TXNDC11: variants seen among roughly 807,000 people sequenced by gnomAD.
TXNDC11 encodes the protein thioredoxin domain-containing protein 11.
A neutral mutation model predicts 78.0 loss-of-function variants in TXNDC11; 68 were observed. The observed-to-expected ratio is 0.87, with a 90% CI of 0.72 to 1.07. TXNDC11 has a LOEUF of 1.07. TXNDC11 is among the 50% of genes least tolerant of loss of function. TXNDC11 has a pLI of 0.00. For missense variants in TXNDC11, 1,389 were observed against 1,221.8 expected, an observed-to-expected ratio of 1.14 and a Z score of -2.04; for synonymous variants, 571 against 495.2, an observed-to-expected ratio of 1.15 and a Z score of -2.03.
intron 8 of TXNDC11, among the ~76,000 whole-genome samples, chr16:11,689,642 A>C (rs1186967427): frequency 1.3e-5 from 2 of 152,220 alleles, no homozygotes; most frequent in Non-Finnish European, 2.9e-5. Flanking sequence ...GGCTTCTTTC[A>C]ATTACCCTTA....
At chr16:11,691,187 A>C in intron 8 of TXNDC11, 103 bp downstream of exon 8, 2 of 960,432 alleles carry the variant, frequency 2.1e-6, no homozygotes, top group South Asian at 3.2e-5. Context: ...TACGAAGGTG[A>C]CATCACCCCA....
intron 1 of TXNDC11, among the ~76,000 whole-genome samples, chr16:11,741,102 G>A (rs1387594937): frequency 6.6e-6 from 1 of 152,180 alleles, no homozygotes; most frequent in African/African-American, 2.4e-5. Flanking sequence ...ACAGTGCCAA[G>A]ACGGAGAAAC....
intron 3 of TXNDC11, among the ~76,000 whole-genome samples, chr16:11,733,688 C>A (rs1166013155): frequency 2.0e-5 from 3 of 152,312 alleles, no homozygotes; most frequent in African/African-American, 7.2e-5. Context: ...ATCTGAAATG[C>A]ATTGGAGTAA....
intron 5 of TXNDC11, among the ~76,000 whole-genome samples, chr16:11,709,293 C>G (rs1193796584): frequency 4.0e-5 from 6 of 151,200 alleles, no homozygotes. Flanking sequence ...GCACTGTCGC[C>G]CAGGCCTGGA....
At chr16:11,738,945 T>TA (rs923892370) in intron 1 of TXNDC11, among the ~76,000 whole-genome samples, 15 of 152,112 alleles carry the variant, frequency 9.9e-5, no homozygotes, top group African/African-American at 3.6e-4. Context: ...GAGAATCGCT[T>TA]GAACACGGGA....
At chr16:11,708,846 T>C (rs1257903522) in intron 5 of TXNDC11, among the ~76,000 whole-genome samples, 1 of 152,228 alleles carries the variant, frequency 6.6e-6, no homozygotes, top group Non-Finnish European at 1.5e-5. Flanking sequence ...TAATTTTAAC[T>C]TCTACTTTCC....
At chr16:11,703,324 T>A (rs991884701) in intron 5 of TXNDC11, among the ~76,000 whole-genome samples, 1 of 152,192 alleles carries the variant, frequency 6.6e-6, no homozygotes, top group Non-Finnish European at 1.5e-5. Flanking sequence ...CTTAAAGAGG[T>A]ATAAGTTAGC....
intron 5 of TXNDC11, among the ~76,000 whole-genome samples, chr16:11,720,768 C>G (rs1011834161): frequency 2.0e-5 from 3 of 151,484 alleles, no homozygotes; most frequent in Non-Finnish European, 2.9e-5. Context: ...GGATCTCACT[C>G]TGTCCCCCAG....
Position 11,688,362 on chromosome 16 carries a change from G to A in TXNDC11, c.1984C>T (p.Gln662Ter). 3.1e-6 allele frequency: 5 copies of A among 1,614,182 alleles called. No homozygotes were observed. The highest frequency in any genetic ancestry group is 3.4e-6 in the Non-Finnish European group (4 of 1,180,024). Residue 662 changes from glutamine (Q) to a stop codon, truncating the protein, a stop_gained, in exon 9 of 12, where the codon CAG becomes TAG. Coordinates refer to ENST00000283033, the MANE Select transcript of TXNDC11 (RefSeq NM_015914.7). LOFTEE classifies it high-confidence loss of function. ...IGSGSAQFPSQHLITEVTTDT... is the reference protein window; with the variant it reads ...IGSGSAQFPS ...GTTGTCACTTCAGTGATTAAATGCTGAGACGGGAACTGGGCAGAGCCACTT... is the reference window on the plus strand; with the variant it reads ...GTTGTCACTTCAGTGATTAAATGCTAAGACGGGAACTGGGCAGAGCCACTT...
At chr16:11,699,467 A>G (rs1475691707) in intron 6 of TXNDC11, among the ~76,000 whole-genome samples, 5 of 152,272 alleles carry the variant, frequency 3.3e-5, no homozygotes, top group Admixed American at 2.6e-4. Context: ...AAACAACCAC[A>G]GCAGTGATTG....
chr16:11,709,465 C>A (rs1246342588), intron 5 of TXNDC11, among the ~76,000 whole-genome samples: 3 of 119,988 alleles, frequency 2.5e-5, no homozygotes, highest in South Asian at 5.4e-4. Context: ...GACGGAGTCT[C>A]GCTCTGTTGC....
intron 4 of TXNDC11, among the ~76,000 whole-genome samples, chr16:11,729,265 A>G (rs2051974255): frequency 6.6e-6 from 1 of 152,204 alleles, no homozygotes; most frequent in Non-Finnish European, 1.5e-5. Context: ...ATCAGGCCCC[A>G]GTACCCTGCC....
At chr16:11,703,739 T>C (rs1476241854) in intron 5 of TXNDC11, 6 of 701,074 alleles carry the variant, frequency 8.6e-6, no homozygotes, top group Non-Finnish European at 1.3e-5. Context: ...GGAGAAGAGG[T>C]TGATTCCAGA....
intron 7 of TXNDC11, chr16:11,692,310 G>C: frequency 2.1e-6 from 1 of 471,180 alleles, no homozygotes; most frequent in South Asian, 3.9e-5. Context: ...CCATCCCTTT[G>C]TCCAGCGTGT....
chr16:11,701,223 G>A (rs771676995), intron 5 of TXNDC11, among the ~76,000 whole-genome samples: 39 of 134,512 alleles, frequency 2.9e-4, no homozygotes, highest in South Asian at 7.3e-4. Flanking sequence ...TACAACCTCC[G>A]TCTCATGGGC....
At chr16:11,715,659 G>C (rs892150070) in intron 5 of TXNDC11, among the ~76,000 whole-genome samples, 1 of 152,098 alleles carries the variant, frequency 6.6e-6, no homozygotes, top group Non-Finnish European at 1.5e-5. Context: ...GGAGCTGTAG[G>C]AGCAACAAAA....
At chr16:11,703,507 G>C (rs1246918460) in intron 5 of TXNDC11, among the ~76,000 whole-genome samples, 2 of 107,684 alleles carry the variant, frequency 1.9e-5, no homozygotes, top group African/African-American at 4.4e-5. Context: ...TAAGGCTTTT[G>C]ATACACACAC....
At chr16:11,729,396 A>C (rs2051978332) in intron 4 of TXNDC11, among the ~76,000 whole-genome samples, 1 of 152,246 alleles carries the variant, frequency 6.6e-6, no homozygotes, top group African/African-American at 2.4e-5. Context: ...TGCATAGCTA[A>C]GAACTAAAAG....
At chr16:11,692,176 C>A in intron 7 of TXNDC11, 94 bp from the exon 8 acceptor site, 2 of 965,630 alleles carry the variant, frequency 2.1e-6, no homozygotes, top group Non-Finnish European at 3.0e-6. Context: ...TTTCAGTTAT[C>A]CATGGTCAAC....
Sources: gnomAD v4.1 joint callset for allele counts (sites outside exome capture counted in the v4.1 genomes callset) on GRCh38, gnomAD v4.1.1 for gene constraint, MANE v1.5 for transcripts, NCBI Gene and HGNC (gene_info 2026-07-23, HGNC 2026-07-21) for gene names.